OR4D1: variants seen among roughly 807,000 people sequenced by gnomAD.
OR4D1 encodes the protein olfactory receptor family 4 subfamily D member 1.
OR4D1 carries 10 observed loss-of-function variants against 14.2 expected under a neutral mutation model. That is an observed-to-expected ratio of 0.71 (90% CI 0.44 to 1.20). OR4D1 has a LOEUF of 1.20. Ranked by LOEUF, OR4D1 falls within the 50% of genes most tolerant of loss-of-function variation. The pLI is 0.00. For missense variants in OR4D1, 345 were observed against 376.6 expected, an observed-to-expected ratio of 0.92 and a Z score of 0.70; for synonymous variants, 141 against 147.4, an observed-to-expected ratio of 0.96 and a Z score of 0.32.
rs1247443492 is a variant in OR4D1 at position 58,154,231 on chromosome 17, A to T, written c.-20+268A>T. ...TGCCTTGGCTTCCCAAAGTAGTGGG[A>T]TTATAGGCATGAGCCACTGCATCCA... is the stretch of plus-strand genomic sequence containing the variant. On this transcript the variant is annotated intron_variant, in intron 3 of 3. Coordinates refer to ENST00000268912, the MANE Select transcript of OR4D1 (RefSeq NM_001386095.1). Among the ~76,000 whole-genome samples, 11 of 145,232 alleles carry T rather than the reference A, an allele frequency of 7.6e-5. No homozygotes were observed. The East Asian group carries it at 1.7e-3, about 22-fold the overall frequency.
rs964419950 is a variant in OR4D1 at position 58,156,478 on chromosome 17, G to C, written c.*392G>C. 1 of 179,574 alleles carries C rather than the reference G, an allele frequency of 5.6e-6. No homozygotes were observed. The allele number at this position is 179,574 out of a possible 1,614,324, so 11.1% of individuals were successfully genotyped here. A position where few individuals can be genotyped will look rare whatever the true frequency, so the allele number is the denominator to read the frequency against. On this transcript the variant is annotated 3_prime_UTR_variant, in exon 4 of 4. Coordinates refer to ENST00000268912, the MANE Select transcript of OR4D1 (RefSeq NM_001386095.1). Reference sequence around the variant, plus strand: ...ATGACCAGGCTGGTCTCGAACTCCTGACCTAGGTGATCCACCCGCCTTGGC... The same window carrying C: ...ATGACCAGGCTGGTCTCGAACTCCTCACCTAGGTGATCCACCCGCCTTGGC...
intron 1 of OR4D1, among the ~76,000 whole-genome samples, 193 bp downstream of exon 1, chr17:58,148,777 C>T (rs943096280): frequency 2.0e-5 from 3 of 152,050 alleles, no homozygotes; most frequent in Admixed American, 6.5e-5. Context: ...TTATCTCCCC[C>T]GCCTCCCACA....
rs765156938 is a variant in OR4D1, at chr17:58,155,313, C to T, written c.160C>T (p.Arg54Trp). 25 of 1,613,684 alleles carry T rather than the reference C, an allele frequency of 1.5e-5. No individual in the cohort carries two copies. Among genetic ancestry groups the T allele is most frequent in the African/African-American group, 1.1e-4 (8 of 74,616 alleles). The change falls in exon 4 of 4, where the codon CGG (arginine) becomes TGG (tryptophan). Residue 54 changes from arginine (R) to tryptophan (W), a missense_variant. By Grantham distance (101) the Arg-to-Trp change is moderately radical. Transcript: ENST00000268912. ...CATGGTCACAGTGACTTTTGACTGC[C>T]GGCTCCACACACCCATGTATTTTCT... ...LIMVTVTFDCRLHTPMYFLLR... is the reference protein window; with the variant it reads ...LIMVTVTFDCWLHTPMYFLLR...
chr17:58,156,079 G>A lies in OR4D1; in HGVS notation c.926G>A (p.Arg309Lys), dbSNP rs765971383. Residue 309 changes from arginine to lysine, a missense_variant, in exon 4 of 4, where the codon AGG (arginine) becomes AAG (lysine). By Grantham distance (26) the Arg-to-Lys change is conservative. Coordinates refer to ENST00000268912, the MANE Select transcript of OR4D1 (RefSeq NM_001386095.1). ...RRLGKCLVIC[R>K]E ...TTAGGCAAGTGCCTAGTAATTTGCA[G>A]GGAGTAAACTTTAAGTAAGTTGACT... 113 of 1,584,546 alleles carry A rather than the reference G, an allele frequency of 7.1e-5. No homozygotes were observed. The highest frequency in any genetic ancestry group is 7.8e-5 in the Non-Finnish European group (91 of 1,167,330).
In OR4D1 at chr17:58,157,130, C is replaced by G; in HGVS notation, c.*1044C>G. 6.8e-7 allele frequency: 1 copy of G among 1,480,634 alleles called. No individual in the cohort carries two copies. The highest frequency in any genetic ancestry group is 9.0e-7 in the Non-Finnish European group (1 of 1,110,276). 91.7% of individuals were successfully genotyped at this position (1,480,634 alleles called of 1,614,324 possible). A position where few individuals can be genotyped will look rare whatever the true frequency, so the allele number is the denominator to read the frequency against. On this transcript the variant is annotated 3_prime_UTR_variant, in exon 4 of 4. Transcript: ENST00000268912. ...AGGAGCGCCGCGTCAAGGTCTCCAG[C>G]CTGCCCTACAGTGTGGATGCGCTCG...
chr17:58,157,096 C>T lies in OR4D1; in HGVS notation c.*1010C>T. On this transcript the variant is annotated 3_prime_UTR_variant, in exon 4 of 4. Coordinates refer to ENST00000268912, the MANE Select transcript of OR4D1 (RefSeq NM_001386095.1). ...GGTCCGGGGCCTGGGGACGCCGAGG[C>T]GGCCGCGGAGGAGCGCCGCGTCAAG... 1.4e-6 allele frequency: 2 copies of T among 1,460,342 alleles called. No homozygotes were observed. The highest frequency in any genetic ancestry group is 1.8e-6 in the Non-Finnish European group (2 of 1,097,596). The allele number at this position is 1,460,342 out of a possible 1,614,324, so 90.5% of individuals were successfully genotyped here.
Position 58,155,234 on chromosome 17 carries a change from G to T in OR4D1, c.81G>T (p.Leu27=). Residue 27 remains leucine (L), a synonymous_variant, in exon 4 of 4, where the codon CTG becomes CTT. Transcript: ENST00000268912. ...FSQTQELQKF[L]FLLFLLVYVT... is the part of the protein sequence containing the mutation. ...AGACCCAAGAGCTCCAGAAATTCCT[G>T]TTCCTTCTGTTCCTGTTAGTCTATG... The T allele has an allele frequency of 6.2e-7, 1 of 1,614,154 alleles. No individual in the cohort carries two copies. Among genetic ancestry groups the T allele is most frequent in the South Asian group, 1.1e-5 (1 of 91,080 alleles).
intron 2 of OR4D1, among the ~76,000 whole-genome samples, chr17:58,151,580 C>T (rs1021037455): frequency 6.3e-4 from 96 of 152,304 alleles, no homozygotes; most frequent in African/African-American, 2.2e-3. Context: ...ACCAGGTCCC[C>T]GCAAAGGACA....
intron 3 of OR4D1, 114 bp from the exon 4 acceptor site, chr17:58,155,021 C>T (rs1348581950): frequency 1.4e-6 from 1 of 719,754 alleles, no homozygotes; most frequent in Non-Finnish European, 2.3e-6. Context: ...TAAGCTACAT[C>T]TCGGATTGAC....
Position 58,157,966 on chromosome 17 carries a change from T to C in OR4D1, c.*1880T>C. 1.7e-6 allele frequency: 1 copy of C among 581,680 alleles called. No individual in the cohort carries two copies. Among genetic ancestry groups the C allele is most frequent in the East Asian group, 2.9e-5 (1 of 34,418 alleles). The allele number at this position is 581,680 out of a possible 1,614,324, so 36.0% of individuals were successfully genotyped here. On this transcript the variant is annotated 3_prime_UTR_variant, in exon 4 of 4. Coordinates refer to ENST00000268912, the MANE Select transcript of OR4D1 (RefSeq NM_001386095.1). ...GGCCACACGACACAGCTGAAGTTTG[T>C]TCTTTAGGCGGAGGCACCAAGCCTT...
At position 58,155,538 on chromosome 17, in the gene OR4D1, C is replaced by G; in HGVS notation, c.385C>G (p.Pro129Ala). ...TGACCGCTACATAGCCATCTCCCAG[C>G]CCCTCCGGTATGTCACCATCATGAA... Reference protein sequence around the residue: ...AYDRYIAISQPLRYVTIMNTQ... With the variant: ...AYDRYIAISQALRYVTIMNTQ... Residue 129 changes from proline (P) to alanine (A), a missense_variant, in exon 4 of 4, where the codon CCC (proline) becomes GCC (alanine). By Grantham distance (27) the Pro-to-Ala change is conservative. Coordinates refer to ENST00000268912, the MANE Select transcript of OR4D1 (RefSeq NM_001386095.1). 1.2e-6 allele frequency: 2 copies of G among 1,614,166 alleles called. No individual in the cohort carries two copies. Among genetic ancestry groups the G allele is most frequent in the Non-Finnish European group, 1.7e-6 (2 of 1,180,026 alleles).
chr17:58,151,366 A>G (rs1000323728), intron 2 of OR4D1, among the ~76,000 whole-genome samples: 5 of 152,116 alleles, frequency 3.3e-5, no homozygotes, highest in Non-Finnish European at 7.4e-5. Context: ...CCCATCACCT[A>G]AGTATTAAGC....
Position 58,151,428 on chromosome 17 carries a change from C to T in OR4D1, c.-127+1632C>T, listed in dbSNP as rs547067457. Among the ~76,000 whole-genome samples, 7 of 152,176 alleles carry T rather than the reference C, an allele frequency of 4.6e-5. No individual in the cohort carries two copies. In the East Asian group the frequency reaches 5.8e-4, roughly 13 times the overall value. ...ATGCTCTCCCTCCCCTCGCCTCCCC[C>T]CTGACGGGCCCCAGTGTGTGTTTTT... On this transcript the variant is annotated intron_variant, in intron 2 of 3. Coordinates refer to ENST00000268912, the MANE Select transcript of OR4D1 (RefSeq NM_001386095.1).
Position 58,157,603 on chromosome 17 carries a change from G to A in OR4D1, c.*1517G>A, listed in dbSNP as rs1967793349. 2 of 1,613,284 alleles carry A rather than the reference G, an allele frequency of 1.2e-6. No homozygotes were observed. Among genetic ancestry groups the A allele is most frequent in the South Asian group, 2.2e-5 (2 of 91,042 alleles). On this transcript the variant is annotated 3_prime_UTR_variant, in exon 4 of 4. Coordinates refer to ENST00000268912, the MANE Select transcript of OR4D1 (RefSeq NM_001386095.1). The stretch of plus-strand genomic sequence containing the variant: ...GAAGGGCCAAGACGAAAAGACTGCA[G>A]GAGTCAGAACTGGAAAAGCTGAAAA...
chr17:58,153,972 T>A lies in OR4D1; in HGVS notation c.-20+9T>A, dbSNP rs1402278116. ...AATAACTGAGACTACAGGTATGCACTACCATGCCCAGGTAACTTTTAAAAT... is the reference window on the plus strand; with the variant it reads ...AATAACTGAGACTACAGGTATGCACAACCATGCCCAGGTAACTTTTAAAAT... On this transcript the variant is annotated intron_variant, in intron 3 of 3. Transcript: ENST00000268912. Among the ~76,000 whole-genome samples the A allele has an allele frequency of 1.3e-5, 2 of 152,164 alleles. No individual in the cohort carries two copies. Among genetic ancestry groups the A allele is most frequent in the Non-Finnish European group, 2.9e-5 (2 of 68,014 alleles).
Position 58,157,891 on chromosome 17 carries a change from T to G in OR4D1, c.*1805T>G, listed in dbSNP as rs1279177418. 29 of 1,309,528 alleles carry G rather than the reference T, an allele frequency of 2.2e-5. No individual in the cohort carries two copies. The highest frequency in any genetic ancestry group is 3.2e-5 in the Non-Finnish European group (29 of 918,884). The allele number at this position is 1,309,528 out of a possible 1,614,324, so 81.1% of individuals were successfully genotyped here. A position where few individuals can be genotyped will look rare whatever the true frequency, so the allele number is the denominator to read the frequency against. On this transcript the variant is annotated 3_prime_UTR_variant, in exon 4 of 4. Coordinates refer to ENST00000268912, the MANE Select transcript of OR4D1 (RefSeq NM_001386095.1). ...CCAAGAAGGCAGGACCAGCCAATAC[T>G]CCTGTTCTGCAAACCCTGAGTGCAC... is the stretch of plus-strand genomic sequence containing the variant.
rs1967788619 is a variant in OR4D1 at position 58,157,256 on chromosome 17, T to TCGGGAAGCGCACAGCCCC, written c.*1171_*1188dup. 1 of 1,469,398 alleles carries TCGGGAAGCGCACAGCCCC rather than the reference T, an allele frequency of 6.8e-7. No homozygotes were observed. The highest frequency in any genetic ancestry group is 2.7e-5 in the Admixed American group (1 of 36,846). 91.0% of individuals were successfully genotyped at this position (1,469,398 alleles called of 1,614,324 possible). A position where few individuals can be genotyped will look rare whatever the true frequency, so the allele number is the denominator to read the frequency against. On this transcript the variant is annotated 3_prime_UTR_variant, in exon 4 of 4. Coordinates refer to ENST00000268912, the MANE Select transcript of OR4D1 (RefSeq NM_001386095.1). ...TACTGCTGCTGCCGGGGCACGGCGC[T>TCGGGAAGCGCACAGCCCC]CGGGAAGCGCACAGCCCCGGGCCGC...
intron 2 of OR4D1, among the ~76,000 whole-genome samples, chr17:58,153,415 A>T (rs1967725500): frequency 6.6e-6 from 1 of 152,234 alleles, no homozygotes; most frequent in Non-Finnish European, 1.5e-5. Flanking sequence ...ATCTTCCTGG[A>T]ATATCATTTT....
Position 58,156,032 on chromosome 17 carries a change from C to G in OR4D1, c.879C>G (p.Asp293Glu), listed in dbSNP as rs1266358238. The change falls in exon 4 of 4, where the codon GAC becomes GAG. Residue 293 changes from aspartate (D) to glutamate (E), a missense_variant. Coordinates refer to ENST00000268912, the MANE Select transcript of OR4D1 (RefSeq NM_001386095.1). Reference protein sequence around the residue: ...NPMIYTLRNQDMKAAMRRLGK... With the variant: ...NPMIYTLRNQEMKAAMRRLGK... The stretch of plus-strand genomic sequence containing the variant: ...TGATCTACACCCTGAGAAACCAGGA[C>G]ATGAAAGCAGCCATGAGGAGATTAG... The G allele has an allele frequency of 6.2e-7, 1 of 1,613,878 alleles. No homozygotes were observed. Among genetic ancestry groups the G allele is most frequent in the Admixed American group, 1.7e-5 (1 of 60,014 alleles).
Sources: gnomAD v4.1 joint callset for allele counts (sites outside exome capture counted in the v4.1 genomes callset) on GRCh38, gnomAD v4.1.1 for gene constraint, MANE v1.5 for transcripts, NCBI Gene and HGNC (gene_info 2026-07-23, HGNC 2026-07-21) for gene names.